The following ADAMTSL1 variants were observed in gnomAD, a reference collection of about 807,000 sequenced individuals.
ADAMTSL1 encodes the protein ADAMTS like 1, also known as ADAMTS-like protein 1.
ADAMTSL1 carries 126 observed loss-of-function variants against 201.8 expected under a neutral mutation model. That is an observed-to-expected ratio of 0.62 (90% CI 0.54 to 0.72). ADAMTSL1 has a LOEUF of 0.72. ADAMTSL1 is among the 30% of genes least tolerant of loss of function. The pLI, the probability that ADAMTSL1 is intolerant of heterozygous loss-of-function variation, is 0.00. For synonymous variants in ADAMTSL1, 1,121 were observed against 903.4 expected, an observed-to-expected ratio of 1.24 and a Z score of -4.32; for missense variants, 2,679 against 2,277.8, an observed-to-expected ratio of 1.18 and a Z score of -3.59.
intron 23 of ADAMTSL1, among the ~76,000 whole-genome samples, chr9:18,871,465 T>C (rs2131463759): frequency 6.6e-6 from 1 of 152,328 alleles, no homozygotes; most frequent in East Asian, 1.9e-4. Context: ...TCCTGAGGAC[T>C]GATCTCTTGT....
chr9:18,232,404 T>G (rs1171620061), intron 2 of ADAMTSL1, among the ~76,000 whole-genome samples: 1 of 152,224 alleles, frequency 6.6e-6, no homozygotes, highest in Non-Finnish European at 1.5e-5. Context: ...CATCCTGGCC[T>G]GCAACTTCCC....
chr9:18,241,518 C>T (rs1051929691), intron 2 of ADAMTSL1, among the ~76,000 whole-genome samples: 21 of 151,940 alleles, frequency 1.4e-4, no homozygotes, highest in Admixed American at 1.1e-3. Flanking sequence ...TCTGAGTAGA[C>T]TAAAACAGCC....
intron 1 of ADAMTSL1, among the ~76,000 whole-genome samples, chr9:17,945,989 T>G (rs546447680): frequency 1.3e-5 from 2 of 151,118 alleles, no homozygotes; most frequent in African/African-American, 4.9e-5. Context: ...AAAAAGAAAA[T>G]CTTCCACCAC....
chr9:18,879,574 T>A (rs1404234957), intron 23 of ADAMTSL1, among the ~76,000 whole-genome samples: 1 of 152,252 alleles, frequency 6.6e-6, no homozygotes, highest in Non-Finnish European at 1.5e-5. Context: ...TACACTATAT[T>A]GTAATCCACT....
intron 1 of ADAMTSL1, among the ~76,000 whole-genome samples, chr9:17,959,333 T>C (rs1487418015): frequency 6.6e-6 from 1 of 152,216 alleles, no homozygotes; most frequent in African/African-American, 2.4e-5. Flanking sequence ...CGTTTTTGTA[T>C]GATTAAAAGT....
chr9:18,732,439 A>G (rs965259430), intron 15 of ADAMTSL1, among the ~76,000 whole-genome samples: 1 of 152,220 alleles, frequency 6.6e-6, no homozygotes, highest in African/African-American at 2.4e-5. Flanking sequence ...TGTGTTTTGT[A>G]AGTACCATAA....
Position 18,826,319 on chromosome 9 carries a change from A to G in ADAMTSL1, c.3970A>G (p.Lys1324Glu), listed in dbSNP as rs1396679083. ...AGCTGAAGTCACTTGGTTCAGGAAT[A>G]AAAGCAAACTGGGCTCCCCGCACCA... ...PEAEVTWFRNKSKLGSPHHLH... is the reference protein window; with the variant it reads ...PEAEVTWFRNESKLGSPHHLH... The change falls in exon 22 of 29, where the codon AAA (lysine) becomes GAA (glutamate). Residue 1324 changes from lysine to glutamate, a missense_variant. Lys to Glu is a moderately conservative substitution (Grantham distance 56, BLOSUM62 1). Transcript: ENST00000380548. 4.3e-6 allele frequency: 7 copies of G among 1,613,260 alleles called. No homozygotes were observed. Among genetic ancestry groups the G allele is most frequent in the Admixed American group, 1.7e-5 (1 of 59,914 alleles).
intron 2 of ADAMTSL1, among the ~76,000 whole-genome samples, chr9:18,532,522 T>C (rs1415249073): frequency 6.6e-6 from 1 of 152,112 alleles, no homozygotes; most frequent in African/African-American, 2.4e-5. Context: ...GAATATTATG[T>C]AGCTCTCAAA....
upstream of ADAMTSL1, among the ~76,000 whole-genome samples, chr9:18,472,930 T>C (rs900103591): frequency 6.6e-6 from 1 of 152,220 alleles, no homozygotes; most frequent in African/African-American, 2.4e-5. Context: ...CATTTGACAC[T>C]TTTCTAAAAC....
intron 1 of ADAMTSL1, among the ~76,000 whole-genome samples, chr9:18,107,204 A>G (rs929524496): frequency 3.9e-5 from 6 of 152,150 alleles, no homozygotes; most frequent in African/African-American, 1.4e-4. Context: ...TGATTTGGAG[A>G]TAGAAGTGGT....
At chr9:18,322,457 A>G (rs1403224431) in intron 2 of ADAMTSL1, among the ~76,000 whole-genome samples, 2 of 152,092 alleles carry the variant, frequency 1.3e-5, no homozygotes, top group Non-Finnish European at 2.9e-5. Flanking sequence ...ACATGGTGAA[A>G]CCCCGTCTCT....
chr9:18,411,263 C>T (rs868799344), intron 2 of ADAMTSL1, among the ~76,000 whole-genome samples: 1 of 151,746 alleles, frequency 6.6e-6, no homozygotes, highest in Non-Finnish European at 1.5e-5. Context: ...ATGGTGCAAT[C>T]TCGACTCACT....
upstream of ADAMTSL1, among the ~76,000 whole-genome samples, chr9:18,470,304 CT>C (rs777917416): frequency 2.6e-5 from 4 of 152,198 alleles, no homozygotes; most frequent in Non-Finnish European, 4.4e-5. Context: ...GCTCTAATGG[CT>C]TTGGTGTTAA....
intron 1 of ADAMTSL1, among the ~76,000 whole-genome samples, chr9:17,956,892 T>G (rs1827953396): frequency 6.6e-6 from 1 of 152,180 alleles, no homozygotes; most frequent in South Asian, 2.1e-4. Context: ...CTGGTTTGAA[T>G]ATGAAAGTTA....
At chr9:18,850,228 T>C (rs1563856971) in intron 23 of ADAMTSL1, among the ~76,000 whole-genome samples, 1 of 152,186 alleles carries the variant, frequency 6.6e-6, no homozygotes, top group Non-Finnish European at 1.5e-5. Context: ...CCCAGGCCCA[T>C]GTGCCCTCCC....
chr9:18,726,399 T>TAAAAA, intron 15 of ADAMTSL1, among the ~76,000 whole-genome samples: 1 of 150,974 alleles, frequency 6.6e-6, no homozygotes, highest in East Asian at 2.0e-4. Context: ...TAGTCATAGC[T>TAAAAA]ACTTGGGAGG....
chr9:18,844,873 T>C (rs1427469529), intron 23 of ADAMTSL1, among the ~76,000 whole-genome samples: 3 of 152,154 alleles, frequency 2.0e-5, no homozygotes, highest in Non-Finnish European at 4.4e-5. Flanking sequence ...TGGTGTGCCG[T>C]TTTTTAAGCC....
At chr9:17,929,479 C>G (rs972162505) in intron 1 of ADAMTSL1, among the ~76,000 whole-genome samples, 1 of 152,026 alleles carries the variant, frequency 6.6e-6, no homozygotes, top group Non-Finnish European at 1.5e-5. Context: ...AATATCAAGG[C>G]CTTGCCTGAT....
intron 2 of ADAMTSL1, among the ~76,000 whole-genome samples, chr9:18,353,072 G>A (rs1057483175): frequency 1.3e-5 from 2 of 152,118 alleles, no homozygotes; most frequent in Non-Finnish European, 2.9e-5. Context: ...CCCCATTCTG[G>A]GTTCCTCTGT....
Sources: gnomAD v4.1 joint callset for allele counts (sites outside exome capture counted in the v4.1 genomes callset) on GRCh38, gnomAD v4.1.1 for gene constraint, MANE v1.5 for transcripts, NCBI Gene and HGNC (gene_info 2026-07-23, HGNC 2026-07-21) for gene names.